The following RAB27A variants were observed in gnomAD, a reference collection of about 807,000 sequenced individuals.
RAB27A encodes RAB27A, member RAS oncogene family.
Under a neutral mutation model 20.8 loss-of-function variants are expected in RAB27A, and 17 were observed. The observed-to-expected ratio is 0.82, with a 90% CI of 0.56 to 1.23. The LOEUF (loss-of-function observed/expected upper bound fraction) is 1.23. Among genes scored for constraint, RAB27A ranks in the 50% most tolerant of loss-of-function variants. The pLI, the probability that RAB27A is intolerant of heterozygous loss-of-function variation, is 0.00. For synonymous variants in RAB27A, 85 were observed against 92.8 expected (o/e 0.92, Z 0.48); for missense variants, 277 against 266.7 (o/e 1.04, Z -0.27).
At chr15:55,243,929 A>C (rs1896589718) in intron 2 of RAB27A, among the ~76,000 whole-genome samples, 1 of 152,210 alleles carries the variant, frequency 6.6e-6, no homozygotes, top group South Asian at 2.1e-4. Flanking sequence ...AACATAACAC[A>C]ATATGACATC....
chr15:55,210,899 T>C (rs1894995401), intron 6 of RAB27A, among the ~76,000 whole-genome samples: 2 of 152,140 alleles, frequency 1.3e-5, no homozygotes, highest in African/African-American at 4.8e-5. Flanking sequence ...TAGTTTCAAG[T>C]CCGATATTTA....
chr15:55,246,159 T>C (rs1339674758), intron 2 of RAB27A, among the ~76,000 whole-genome samples: 8 of 151,706 alleles, frequency 5.3e-5, no homozygotes, highest in Admixed American at 5.3e-4. Context: ...AAAACATACA[T>C]CATTTTTAAC....
chr15:55,243,168 C>T (rs1013638045), intron 2 of RAB27A, among the ~76,000 whole-genome samples: 2 of 152,118 alleles, frequency 1.3e-5, no homozygotes, highest in Non-Finnish European at 2.9e-5. Context: ...GGGAGCTTGT[C>T]TGCTTCTTGC....
chr15:55,203,412 CTTTTTTTTTTTT>C lies in RAB27A; in HGVS notation c.*2083_*2094del, dbSNP rs777871155. 1 of 119,820 alleles carries C rather than the reference CTTTTTTTTTTTT, an allele frequency of 8.3e-6. No homozygotes were observed. The highest frequency in any genetic ancestry group is 2.2e-4 in the East Asian group (1 of 4,544). The allele number at this position is 119,820 out of a possible 1,614,324, so 7.4% of individuals were successfully genotyped here. ...ACTGCTGTGTGATTATGACCCTGCT[CTTTTTTTTTTTT>C]TTTTTTTTTGAGACAGAGTCTCCTC... On this transcript the variant is annotated 3_prime_UTR_variant, in exon 7 of 7. Coordinates refer to ENST00000336787, the MANE Select transcript of RAB27A (RefSeq NM_183235.3).
chr15:55,301,451 A>G (rs773401326), intron 2 of RAB27A, among the ~76,000 whole-genome samples: 10 of 151,146 alleles, frequency 6.6e-5, no homozygotes, highest in Non-Finnish European at 1.2e-4. Context: ...CTCACACACA[A>G]TAAAGTTCAC....
Position 55,312,610 on chromosome 15 carries a change from C to G in RAB27A, c.-112+1429G>C, listed in dbSNP as rs140547547. 1.8e-3 allele frequency among the ~76,000 whole-genome samples: 281 copies of G among 152,116 alleles called. 1 individual carries two copies. Among genetic ancestry groups the G allele is most frequent in the Middle Eastern group, 6.8e-3 (2 of 294 alleles). ...CATCCTAGTGAACATGAAATGGTAA[C>G]TCAGTGTGGTTTTGTTTTCAACGAA... On this transcript the variant is annotated intron_variant, in intron 2 of 5. Transcript: ENST00000563262.
chr15:55,203,549 G>A lies in RAB27A; in HGVS notation c.*1958C>T, dbSNP rs1053002671. On this transcript the variant is annotated 3_prime_UTR_variant, in exon 7 of 7. Coordinates refer to ENST00000336787, the MANE Select transcript of RAB27A (RefSeq NM_183235.3). ...CCTGCCTCAGCCTCCTGAGTAGCTGGGACTACAGGTGCCCACCACCACGCC... is the reference window on the plus strand; with the variant it reads ...CCTGCCTCAGCCTCCTGAGTAGCTGAGACTACAGGTGCCCACCACCACGCC... The A allele has an allele frequency of 4.0e-5, 6 of 150,624 alleles. No individual in the cohort carries two copies. Among genetic ancestry groups the A allele is most frequent in the Non-Finnish European group, 8.8e-5 (6 of 67,840 alleles). The allele number at this position is 150,624 out of a possible 1,614,324, so 9.3% of individuals were successfully genotyped here. A position where few individuals can be genotyped will look rare whatever the true frequency, so the allele number is the denominator to read the frequency against.
intron 1 of RAB27A, among the ~76,000 whole-genome samples, chr15:55,280,932 A>T (rs182705836): frequency 6.6e-6 from 1 of 152,066 alleles, no homozygotes. Context: ...GTTAGTTCCA[A>T]GTCTTTGCTA....
At position 55,318,450 on chromosome 15, in the gene RAB27A, A is replaced by T. The variant is rs531194112; in HGVS notation, c.-234+481T>A. Among the ~76,000 whole-genome samples the T allele has an allele frequency of 1.1e-3, 161 of 149,390 alleles. No homozygotes were observed. The Middle Eastern group carries it at 0.014, about 13-fold the overall frequency. ...CCGCACGCGGTGGCTCACGCCTGTA[A>T]TCCCAACACTTTGGGAGGCCGAGGC... On this transcript the variant is annotated intron_variant, in intron 1 of 5. Transcript: ENST00000563262.
intron 2 of RAB27A, chr15:55,248,891 T>C (rs897065332): frequency 2.0e-5 from 3 of 150,762 alleles, no homozygotes. Context: ...TTACAACACA[T>C]GTTTAAATGT....
intron 2 of RAB27A, among the ~76,000 whole-genome samples, chr15:55,252,256 T>G (rs1896916904): frequency 6.6e-6 from 1 of 152,152 alleles, no homozygotes; most frequent in Non-Finnish European, 1.5e-5. Context: ...TTGGGTACAA[T>G]GTACACTATT....
intron 2 of RAB27A, among the ~76,000 whole-genome samples, chr15:55,239,790 T>C (rs901100124): frequency 2.6e-5 from 4 of 152,060 alleles, no homozygotes; most frequent in East Asian, 1.9e-4. Context: ...TTCCAAAGAA[T>C]AAGAAAATTT....
At chr15:55,221,191 G>A (rs936419166) in intron 6 of RAB27A, among the ~76,000 whole-genome samples, 5 of 152,242 alleles carry the variant, frequency 3.3e-5, no homozygotes, top group African/African-American at 1.2e-4. Flanking sequence ...AGCCCACAGG[G>A]GCAAGAAGTC....
At chr15:55,260,525 T>A (rs1026293083) in intron 2 of RAB27A, among the ~76,000 whole-genome samples, 6 of 152,182 alleles carry the variant, frequency 3.9e-5, no homozygotes, top group African/African-American at 1.4e-4. Flanking sequence ...TTGCCAGAAC[T>A]CAGAAGCAAC....
intron 2 of RAB27A, among the ~76,000 whole-genome samples, chr15:55,251,283 A>T (rs1432125077): frequency 1.3e-5 from 2 of 152,222 alleles, no homozygotes; most frequent in Non-Finnish European, 1.5e-5. Context: ...TTAAAGCTTA[A>T]GAGAATGAAA....
chr15:55,287,839 G>T lies in RAB27A; in HGVS notation c.-143+1877C>A, dbSNP rs147868501. ...CAAGGTTGGAGGACTCACATATCCTGATTTCAAAACACTATGTAGCTACAA... is the reference window on the plus strand; with the variant it reads ...CAAGGTTGGAGGACTCACATATCCTTATTTCAAAACACTATGTAGCTACAA... On this transcript the variant is annotated intron_variant, in intron 1 of 6. Coordinates refer to ENST00000336787, the MANE Select transcript of RAB27A (RefSeq NM_183235.3). 2.4e-4 allele frequency among the ~76,000 whole-genome samples: 37 copies of T among 152,154 alleles called. No individual in the cohort carries two copies. The East Asian group carries it at 7.0e-3, about 29-fold the overall frequency.
intron 2 of RAB27A, among the ~76,000 whole-genome samples, chr15:55,298,522 C>G (rs150277496): frequency 0.051 from 7,796 of 152,184 alleles, 277 homozygotes; most frequent in East Asian, 0.15. Context: ...CAAGTGGAGG[C>G]AGGGCGAGAT....
chr15:55,304,334 G>A (rs528893186), intron 2 of RAB27A, among the ~76,000 whole-genome samples: 4 of 151,238 alleles, frequency 2.6e-5, no homozygotes, highest in South Asian at 2.1e-4. Flanking sequence ...GCGGAAGGCC[G>A]CAGGGTCCTC....
At chr15:55,282,278 A>T (rs116967487) in intron 1 of RAB27A, among the ~76,000 whole-genome samples, 4,095 of 152,300 alleles carry the variant, frequency 0.027, 98 homozygotes, top group Non-Finnish European at 0.04. Flanking sequence ...ACACCAGGAA[A>T]CCATCAGACC....
Sources: gnomAD v4.1 joint callset for allele counts (sites outside exome capture counted in the v4.1 genomes callset) on GRCh38, gnomAD v4.1.1 for gene constraint, MANE v1.5 for transcripts, NCBI Gene and HGNC (gene_info 2026-07-23, HGNC 2026-07-21) for gene names.